The following KCNIP1 variants were observed in gnomAD, a reference collection of about 807,000 sequenced individuals.
The protein encoded by KCNIP1 is potassium voltage-gated channel interacting protein 1, also known as A-type potassium channel modulatory protein KCNIP1.
A neutral mutation model predicts 33.0 loss-of-function variants in KCNIP1; 18 were observed. The observed-to-expected ratio is 0.55, with a 90% CI of 0.38 to 0.81. KCNIP1 has a LOEUF of 0.81. KCNIP1 is among the 30% of genes least tolerant of loss of function. KCNIP1 has a pLI of 0.00. For synonymous variants in KCNIP1, 93 were observed against 98.3 expected, an observed-to-expected ratio of 0.95 and a Z score of 0.32; for missense variants, 238 against 271.6, an observed-to-expected ratio of 0.88 and a Z score of 0.87.
chr5:170,368,269 T>TTTG (rs973527938), intron 1 of KCNIP1, among the ~76,000 whole-genome samples: 152 of 152,242 alleles, frequency 1.0e-3, no homozygotes, highest in African/African-American at 3.2e-3. Context: ...TGTTTGTTTG[T>TTTG]TTGTTTGTTT....
intron 1 of KCNIP1, among the ~76,000 whole-genome samples, chr5:170,589,953 G>T (rs907628942): frequency 6.6e-6 from 1 of 152,156 alleles, no homozygotes; most frequent in African/African-American, 2.4e-5. Flanking sequence ...GGCTTTGGGT[G>T]GTGACTTCAT....
At chr5:170,397,107 GA>G (rs1754780564) in intron 1 of KCNIP1, among the ~76,000 whole-genome samples, 1 of 152,178 alleles carries the variant, frequency 6.6e-6, no homozygotes, top group African/African-American at 2.4e-5. Flanking sequence ...AGTTGTGCCT[GA>G]ATACCAAAGG....
Position 170,732,815 on chromosome 5 carries a change from G to T in KCNIP1, c.451G>T (p.Val151Phe). The change falls in exon 6 of 8, where the codon GTC (valine) becomes TTC (phenylalanine). Residue 151 changes from valine to phenylalanine, a missense_variant. Coordinates refer to ENST00000328939, the MANE Select transcript of KCNIP1 (RefSeq NM_014592.4). ...CCTGCTCCAGGAGATGATGGACATT[G>T]TCAAAGCCATCTATGACATGATGGG... The part of the protein sequence containing the change: ...YINKEEMMDI[V>F]KAIYDMMGKY... 9 of 1,612,270 alleles carry T rather than the reference G, an allele frequency of 5.6e-6. No homozygotes were observed. Among genetic ancestry groups the T allele is most frequent in the Non-Finnish European group, 7.6e-6 (9 of 1,178,430 alleles).
chr5:170,709,379 C>T (rs1763368802), intron 1 of KCNIP1, among the ~76,000 whole-genome samples: 1 of 152,138 alleles, frequency 6.6e-6, no homozygotes, highest in South Asian at 2.1e-4. Flanking sequence ...AGCAGATGGG[C>T]CCTTTTACAT....
chr5:170,649,651 C>A (rs1434894983), intron 1 of KCNIP1, among the ~76,000 whole-genome samples: 1 of 151,212 alleles, frequency 6.6e-6, no homozygotes, highest in Non-Finnish European at 1.5e-5. Context: ...ATCTACTCAG[C>A]CTGAGCATCA....
chr5:170,390,517 A>AAAAAAAAAAAAATAT, intron 1 of KCNIP1, among the ~76,000 whole-genome samples: 11 of 74,524 alleles, frequency 1.5e-4, no homozygotes, highest in Non-Finnish European at 1.7e-4. Context: ...AAAAAAAACA[A>AAAAAAAAAAAAATAT]ATATATATAT....
At chr5:170,686,115 C>T (rs1005994720) in intron 1 of KCNIP1, among the ~76,000 whole-genome samples, 1 of 152,134 alleles carries the variant, frequency 6.6e-6, no homozygotes, top group African/African-American at 2.4e-5. Flanking sequence ...TCAGAGTGAG[C>T]AGATTCCTAG....
At chr5:170,421,155 G>T (rs955627161) in intron 1 of KCNIP1, among the ~76,000 whole-genome samples, 1 of 152,214 alleles carries the variant, frequency 6.6e-6, no homozygotes, top group East Asian at 1.9e-4. Flanking sequence ...CCCCAGAGAA[G>T]ATGTACAGCC....
intron 1 of KCNIP1, among the ~76,000 whole-genome samples, chr5:170,664,135 C>A (rs1377238596): frequency 1.3e-5 from 2 of 152,142 alleles, no homozygotes; most frequent in East Asian, 1.9e-4. Context: ...CCTCATCCTG[C>A]AACTCCCCCT....
intron 1 of KCNIP1, among the ~76,000 whole-genome samples, chr5:170,576,104 T>C (rs1279113697): frequency 1.3e-5 from 2 of 152,236 alleles, no homozygotes; most frequent in Non-Finnish European, 2.9e-5. Context: ...AGCTGGGTAC[T>C]TGAACTGGGA....
At chr5:170,385,853 C>T (rs1194625460) in intron 1 of KCNIP1, among the ~76,000 whole-genome samples, 3 of 152,038 alleles carry the variant, frequency 2.0e-5, no homozygotes, top group South Asian at 4.2e-4. Flanking sequence ...GGTGCGGTGG[C>T]TCATGCCTGA....
At chr5:170,617,937 C>A (rs897330530) in intron 1 of KCNIP1, among the ~76,000 whole-genome samples, 1 of 152,126 alleles carries the variant, frequency 6.6e-6, no homozygotes, top group Admixed American at 6.5e-5. Flanking sequence ...GAATTACAAC[C>A]GGAGATATAA....
At chr5:170,450,517 A>G (rs965234111) in intron 1 of KCNIP1, among the ~76,000 whole-genome samples, 4 of 151,946 alleles carry the variant, frequency 2.6e-5, no homozygotes, top group Admixed American at 6.6e-5. Flanking sequence ...GTGGCTCCCT[A>G]TTACTCACCA....
rs867786075 is a variant in KCNIP1 at position 170,659,144 on chromosome 5, G to A, written c.62-59614G>A. Among the ~76,000 whole-genome samples the A allele has an allele frequency of 5.9e-5, 9 of 151,538 alleles. No individual in the cohort carries two copies. The South Asian group carries it at 8.4e-4, about 14-fold the overall frequency. On this transcript the variant is annotated intron_variant, in intron 1 of 7. Transcript: ENST00000328939. ...TTTAATGCTTGCCTAATATGAGCTA[G>A]TCTTCTCTGATCACTTTTTTTTTTA...
chr5:170,531,906 C>T (rs922573970), intron 1 of KCNIP1, among the ~76,000 whole-genome samples: 3 of 152,086 alleles, frequency 2.0e-5, no homozygotes, highest in Admixed American at 6.6e-5. Flanking sequence ...CCAAGTCCTG[C>T]CCCCATCTTC....
intron 1 of KCNIP1, among the ~76,000 whole-genome samples, chr5:170,535,574 T>C (rs1755953987): frequency 6.6e-6 from 1 of 152,048 alleles, no homozygotes; most frequent in Non-Finnish European, 1.5e-5. Context: ...GGCCCCAAAC[T>C]CTTTGTAAAT....
chr5:170,610,341 A>C (rs1759096730), intron 1 of KCNIP1, among the ~76,000 whole-genome samples: 1 of 152,220 alleles, frequency 6.6e-6, no homozygotes, highest in South Asian at 2.1e-4. Context: ...TATAAACACC[A>C]TCATGTACTT....
chr5:170,702,087 C>T (rs191205909), intron 1 of KCNIP1, among the ~76,000 whole-genome samples: 310 of 152,330 alleles, frequency 2.0e-3, no homozygotes, highest in African/African-American at 7.2e-3. Flanking sequence ...ACAGTGCCTC[C>T]CATGACCCAT....
intron 1 of KCNIP1, among the ~76,000 whole-genome samples, chr5:170,628,237 TCTC>T (rs1398919681): frequency 6.6e-6 from 1 of 151,946 alleles, no homozygotes; most frequent in African/African-American, 2.4e-5. Context: ...TCCCCGCCCT[TCTC>T]CCAGGCACAC....
Sources: allele counts gnomAD v4.1 joint callset (sites outside exome capture counted in the v4.1 genomes callset), GRCh38; gene constraint gnomAD v4.1.1; transcripts MANE v1.5; gene names NCBI Gene and HGNC (gene_info 2026-07-23, HGNC 2026-07-21).